IFFO2: variants seen among roughly 807,000 people sequenced by gnomAD.
The protein encoded by IFFO2 is intermediate filament family orphan 2.
A neutral mutation model predicts 53.5 loss-of-function variants in IFFO2; 19 were observed. The observed-to-expected ratio is 0.36, with a 90% CI of 0.25 to 0.52. IFFO2 has a LOEUF of 0.52. Ranked by LOEUF, IFFO2 falls within the 20% of genes least tolerant of loss-of-function variation. The probability of loss-of-function intolerance (pLI) is 0.94; values close to 1 mark genes in which losing one functional copy is unlikely to be tolerated. For missense variants in IFFO2, 570 were observed against 727.4 expected (o/e 0.78, Z 2.49); for synonymous variants, 303 against 313.6 (o/e 0.97, Z 0.36).
chr1:18,931,114 G>A (rs1419518913), intron 1 of IFFO2, among the ~76,000 whole-genome samples: 1 of 152,226 alleles, frequency 6.6e-6, no homozygotes, highest in African/African-American at 2.4e-5. Context: ...CAAGGTTGCA[G>A]TGAGCTAGGA....
chr1:18,951,059 C>T (rs1047615656), intron 1 of IFFO2, among the ~76,000 whole-genome samples: 2 of 152,232 alleles, frequency 1.3e-5, no homozygotes, highest in African/African-American at 2.4e-5. Context: ...GCACTGAGGG[C>T]CAGCCCCCCT....
intron 2 of IFFO2, 111 bp downstream of exon 2, chr1:18,920,950 A>G: frequency 4.6e-6 from 4 of 866,338 alleles, no homozygotes; most frequent in Non-Finnish European, 5.7e-6. Flanking sequence ...AGGAGGTAAC[A>G]GAGTAGGGGC....
chr1:18,918,734 C>T lies in IFFO2; in HGVS notation c.823-232G>A, dbSNP rs1936171664. ...GGCCAGTGTGACGCCGTGTGTGCTG[C>T]TCTCCCTAAGGGCTGGAAGGCATCC... On this transcript the variant is annotated intron_variant, in intron 3 of 8. Transcript: ENST00000455833. The surrounding 1 kb of genome is among the most constrained non-coding windows in gnomAD (Gnocchi z 5.2). Among the ~76,000 whole-genome samples the T allele has an allele frequency of 6.6e-6, 1 of 152,030 alleles. No individual in the cohort carries two copies. Among genetic ancestry groups the T allele is most frequent in the Non-Finnish European group, 1.5e-5 (1 of 67,984 alleles).
At chr1:18,914,612 T>A (rs1294256327) in intron 5 of IFFO2, among the ~76,000 whole-genome samples, 1 of 150,752 alleles carries the variant, frequency 6.6e-6, no homozygotes, top group Admixed American at 6.6e-5. Flanking sequence ...AGGACAGGAG[T>A]TTGAGACTAG....
rs547030551 is a variant in IFFO2 at position 18,918,557 on chromosome 1, G to C, written c.823-55C>G. 3.1e-5 allele frequency: 47 copies of C among 1,537,508 alleles called. No individual in the cohort carries two copies. The Admixed American group carries it at 7.3e-4, about 24-fold the overall frequency. ...GCGAGGGATGGAGCAAGCCTGGGGGGCTTGGCAGAGAGGTGGGGAGACCCC... is the reference window on the plus strand; with the variant it reads ...GCGAGGGATGGAGCAAGCCTGGGGGCCTTGGCAGAGAGGTGGGGAGACCCC... On this transcript the variant is annotated intron_variant, in intron 3 of 8. Coordinates refer to ENST00000455833, the MANE Select transcript of IFFO2 (RefSeq NM_001136265.2). The surrounding 1 kb of genome is among the most constrained non-coding windows in gnomAD (Gnocchi z 5.2).
At chr1:18,938,058 T>A (rs544469816) in intron 1 of IFFO2, among the ~76,000 whole-genome samples, 5 of 151,966 alleles carry the variant, frequency 3.3e-5, no homozygotes, top group African/African-American at 9.7e-5. Context: ...AGAAGCCGGC[T>A]TGGGGCAAAG....
intron 1 of IFFO2, among the ~76,000 whole-genome samples, chr1:18,934,247 AT>A (rs142181786): frequency 6.6e-6 from 1 of 151,214 alleles, no homozygotes; most frequent in East Asian, 1.9e-4. Flanking sequence ...TTTAAAAATT[AT>A]TTTTTGTAGA....
intron 1 of IFFO2, among the ~76,000 whole-genome samples, chr1:18,933,133 G>A (rs1046442098): frequency 6.6e-6 from 1 of 152,234 alleles, no homozygotes; most frequent in Non-Finnish European, 1.5e-5. Context: ...TGAGAGAGGG[G>A]AGGCGAGTTC....
chr1:18,932,770 G>A (rs1187110780), intron 1 of IFFO2, among the ~76,000 whole-genome samples: 2 of 152,148 alleles, frequency 1.3e-5, no homozygotes, highest in South Asian at 2.1e-4. Context: ...CGGGGATGAG[G>A]CAGGGTACCT....
intron 1 of IFFO2, among the ~76,000 whole-genome samples, chr1:18,931,548 CA>C (rs1936375214): frequency 6.6e-6 from 1 of 152,200 alleles, no homozygotes. Context: ...CACTGGCATC[CA>C]GGGGCTGTGA....
chr1:18,919,223 C>T lies in IFFO2; in HGVS notation c.822+455G>A, dbSNP rs1936179167. On this transcript the variant is annotated intron_variant, in intron 3 of 8. Coordinates refer to ENST00000455833, the MANE Select transcript of IFFO2 (RefSeq NM_001136265.2). The surrounding 1 kb of genome is among the most constrained non-coding windows in gnomAD (Gnocchi z 4.9). ...GGGGCCCCAGATTGTCAAAAAGACA[C>T]GCGCACTGGCCTTTCCTGACCTCAT... 6.6e-6 allele frequency among the ~76,000 whole-genome samples: 1 copy of T among 152,206 alleles called. No individual in the cohort carries two copies. The highest frequency in any genetic ancestry group is 1.5e-5 in the Non-Finnish European group (1 of 68,044).
chr1:18,951,415 T>C (rs952893255), intron 1 of IFFO2, among the ~76,000 whole-genome samples: 1 of 151,948 alleles, frequency 6.6e-6, no homozygotes, highest in Non-Finnish European at 1.5e-5. Flanking sequence ...CAGGCTGACT[T>C]CAACTGGGGG....
Position 18,911,975 on chromosome 1 carries a change from G to A in IFFO2, c.1212C>T (p.Asp404=). The A allele has an allele frequency of 6.4e-7, 1 of 1,551,734 alleles. No homozygotes were observed. ...EDFTNCNPTI[D]LQGEQEENLG... is the part of the protein sequence containing the mutation. ...GCGCTGGGCTTACCTCGCCCTGCAG[G>A]TCGATGGTCGGATTGCAGTTGGTGA... Residue 404 remains aspartate, a synonymous_variant, in exon 6 of 9, where the codon GAC becomes GAT. Transcript: ENST00000455833.
At position 18,908,486 on chromosome 1, in the gene IFFO2, G is replaced by A; in HGVS notation, c.*75C>T. 1 of 1,103,464 alleles carries A rather than the reference G, an allele frequency of 9.1e-7. No homozygotes were observed. The highest frequency in any genetic ancestry group is 2.6e-5 in the East Asian group (1 of 38,410). 68.4% of individuals were successfully genotyped at this position (1,103,464 alleles called of 1,614,324 possible). On this transcript the variant is annotated 3_prime_UTR_variant, in exon 9 of 9. Transcript: ENST00000455833. ...GTGTGGCTTCGAACCCCACTCCGAG[G>A]GGCCTTCCTGGCCCCATGAGGAGAG...
chr1:18,929,078 G>T (rs796269970), intron 1 of IFFO2, among the ~76,000 whole-genome samples: 2 of 152,174 alleles, frequency 1.3e-5, no homozygotes, highest in Non-Finnish European at 2.9e-5. Context: ...CACGAGCCCC[G>T]CAGGCCTTAG....
At chr1:18,951,854 G>A (rs1214535735) in intron 1 of IFFO2, among the ~76,000 whole-genome samples, 1 of 152,208 alleles carries the variant, frequency 6.6e-6, no homozygotes, top group Non-Finnish European at 1.5e-5. Context: ...AACAGAGAAA[G>A]GCTTCAGCGA....
rs1364723362 is a variant in IFFO2, at chr1:18,905,647, C to T, written c.*2914G>A. 6.6e-6 allele frequency: 1 copy of T among 151,560 alleles called. No individual in the cohort carries two copies. The highest frequency in any genetic ancestry group is 1.5e-5 in the Non-Finnish European group (1 of 67,994). The allele number at this position is 151,560 out of a possible 1,614,324, so 9.4% of individuals were successfully genotyped here. On this transcript the variant is annotated 3_prime_UTR_variant, in exon 9 of 9. Transcript: ENST00000455833. ...CGAGAAAGAAAAATGTGTTGATTTGCCAATAATTTTTTTCTCTGTTCGGAG... is the reference window on the plus strand; with the variant it reads ...CGAGAAAGAAAAATGTGTTGATTTGTCAATAATTTTTTTCTCTGTTCGGAG...
intron 1 of IFFO2, among the ~76,000 whole-genome samples, chr1:18,949,708 G>A (rs565565628): frequency 1.4e-4 from 22 of 152,350 alleles, no homozygotes; most frequent in African/African-American, 4.6e-4. Flanking sequence ...CTTCAAACAC[G>A]GTCATGTGTG....
At chr1:18,935,864 ATTTTTTT>A (rs757253270) in intron 1 of IFFO2, among the ~76,000 whole-genome samples, 79 of 95,400 alleles carry the variant, frequency 8.3e-4, no homozygotes, top group Non-Finnish European at 1.1e-3. Flanking sequence ...TAATTTTTCT[ATTTTTTT>A]TTTTTTTTTT....
Sources: gnomAD v4.1 joint callset for allele counts (sites outside exome capture counted in the v4.1 genomes callset) on GRCh38, gnomAD v4.1.1 for gene constraint, Gnocchi (gnomAD v3.1) non-coding constraint, MANE v1.5 for transcripts, NCBI Gene and HGNC (gene_info 2026-07-23, HGNC 2026-07-21) for gene names.